Variants in TCF4 observed in about 807,000 individuals in gnomAD.
TCF4 encodes SL3-3 enhancer factor 2.
In TCF4, 3 loss-of-function variants were observed where a neutral mutation model predicts 82.1. The ratio of observed to expected loss-of-function variants is 0.04; its 90% CI spans 0.02 to 0.09. The LOEUF is 0.09. TCF4 is among the 10% of genes least tolerant of loss of function. The pLI is 1.00. For synonymous variants in TCF4, 276 were observed against 309.6 expected, an observed-to-expected ratio of 0.89 and a Z score of 1.14; for missense variants, 518 against 852.7, an observed-to-expected ratio of 0.61 and a Z score of 4.89.
At chr18:55,602,907 A>G (rs754999095) in intron 2 of TCF4, among the ~76,000 whole-genome samples, 8 of 152,178 alleles carry the variant, frequency 5.3e-5, no homozygotes, top group Non-Finnish European at 8.8e-5. Context: ...ATTGTCTACT[A>G]AAGGCAAAAT....
intron 8 of TCF4, among the ~76,000 whole-genome samples, chr18:55,338,431 G>C (rs766637666): frequency 2.0e-5 from 3 of 152,186 alleles, no homozygotes; most frequent in Non-Finnish European, 4.4e-5. Context: ...TTCTTCCGGG[G>C]AGAGGATTCA....
chr18:55,330,100 G>A (rs938677913), intron 8 of TCF4, among the ~76,000 whole-genome samples: 14 of 151,658 alleles, frequency 9.2e-5, no homozygotes, highest in African/African-American at 3.4e-4. Flanking sequence ...CAGAACATAT[G>A]ATAAAGACAA....
At chr18:55,230,304 CTT>C (rs2047554733) in intron 17 of TCF4, 1 of 152,174 alleles carries the variant, frequency 6.6e-6, no homozygotes, top group Non-Finnish European at 1.5e-5. Flanking sequence ...AAATTAGAAA[CTT>C]TTGAATGGAA....
At chr18:55,405,235 C>T (rs180741632) in intron 5 of TCF4, among the ~76,000 whole-genome samples, 21 of 152,312 alleles carry the variant, frequency 1.4e-4, no homozygotes, top group Admixed American at 9.2e-4. Flanking sequence ...TATCAAAGGA[C>T]GCGTGTCCTT....
intron 6 of TCF4, among the ~76,000 whole-genome samples, chr18:55,384,599 G>T (rs2092408532): frequency 6.6e-6 from 1 of 152,174 alleles, no homozygotes; most frequent in Admixed American, 6.5e-5. Context: ...GGTTCACATT[G>T]ATACTGAAAG....
intron 5 of TCF4, among the ~76,000 whole-genome samples, chr18:55,442,720 T>C (rs577185941): frequency 1.3e-5 from 2 of 152,320 alleles, no homozygotes; most frequent in South Asian, 4.1e-4. Flanking sequence ...TCAGAATGCA[T>C]AGCTTCCCTC....
chr18:55,228,338 C>T lies in TCF4; in HGVS notation c.1903G>A (p.Ala635Thr). 6.2e-7 allele frequency: 1 copy of T among 1,614,150 alleles called. No homozygotes were observed. The change falls in exon 19 of 20, where the codon GCG becomes ACG. Residue 635 changes from alanine to threonine, a missense_variant. Physicochemically the swap from Ala to Thr is moderately conservative, Grantham distance 58. Around this residue, in one of 7 missense-constraint regions of TCF4, gnomAD observed 18 missense variants for 116.7 expected, o/e 0.15. Transcript: ENST00000354452. ...VRERNLNPKAACLKRREEEKV... is the reference protein window; with the variant it reads ...VRERNLNPKATCLKRREEEKV... ...TCTTCCTCCCTTCTTTTCAGACACG[C>T]AGCTTTCGGATTCAGATTCCTTTCT...
At chr18:55,586,960 A>T in intron 2 of TCF4, 85 bp downstream of exon 2, 2 of 1,202,396 alleles carry the variant, frequency 1.7e-6, no homozygotes, top group Non-Finnish European at 2.5e-6. Flanking sequence ...TGTCCTTTAG[A>T]TTCCTACTGG....
chr18:55,436,013 A>C (rs1224826263), intron 5 of TCF4, among the ~76,000 whole-genome samples: 4 of 152,208 alleles, frequency 2.6e-5, no homozygotes, highest in Non-Finnish European at 5.9e-5. Flanking sequence ...TTAATGAATG[A>C]CTCAATACTA....
At chr18:55,589,166 G>A, upstream of TCF4, 1 of 616,276 alleles carries the variant, frequency 1.6e-6, no homozygotes, top group Non-Finnish European at 2.1e-6. Context: ...CAAAATGCAT[G>A]CACACACTTT....
At chr18:55,465,410 A>T (rs1290238201) in intron 3 of TCF4, among the ~76,000 whole-genome samples, 1 of 152,088 alleles carries the variant, frequency 6.6e-6, no homozygotes, top group East Asian at 1.9e-4. Context: ...CCATTAAATT[A>T]ACTTCTCTTT....
At position 55,269,850 on chromosome 18, in the gene TCF4, G is replaced by T; in HGVS notation, c.903C>A (p.Asn301Lys). ...ACTCACCCATTATACTGTCTGTCCC[G>T]TTGGCAGGAGGCGTACAGGAAGAGG... is the stretch of plus-strand genomic sequence containing the variant. Reference protein sequence around the residue: ...YSTSSCTPPANGTDSIMANRG... With the variant: ...YSTSSCTPPAKGTDSIMANRG... Residue 301 changes from asparagine (N) to lysine (K), a missense_variant, in exon 11 of 20, where the codon AAC becomes AAA. Physicochemically the swap from Asn to Lys is moderately conservative, Grantham distance 94. Around this residue, in one of 7 missense-constraint regions of TCF4, gnomAD observed 211 missense variants for 327.4 expected, o/e 0.64. Transcript: ENST00000354452. 1 of 1,613,172 alleles carries T rather than the reference G, an allele frequency of 6.2e-7. No homozygotes were observed. Among genetic ancestry groups the T allele is most frequent in the Non-Finnish European group, 8.5e-7 (1 of 1,179,402 alleles).
At chr18:55,318,551 GA>G (rs1219724164) in intron 8 of TCF4, among the ~76,000 whole-genome samples, 1 of 152,082 alleles carries the variant, frequency 6.6e-6, no homozygotes, top group Non-Finnish European at 1.5e-5. Context: ...ACTCTCACCT[GA>G]GGAGAAACTG....
chr18:55,482,416 C>A (rs1932845189), intron 3 of TCF4, among the ~76,000 whole-genome samples: 1 of 152,070 alleles, frequency 6.6e-6, no homozygotes, highest in Non-Finnish European at 1.5e-5. Flanking sequence ...TTGTTTTAGT[C>A]CAGTCACAGT....
chr18:55,247,331 A>G lies in TCF4; in HGVS notation c.1350+7166T>C, dbSNP rs559149801. Among the ~76,000 whole-genome samples the G allele has an allele frequency of 3.9e-5, 6 of 152,360 alleles. No homozygotes were observed. The South Asian group carries it at 1.2e-3, about 32-fold the overall frequency. On this transcript the variant is annotated intron_variant, in intron 15 of 19. Coordinates refer to ENST00000354452, the MANE Select transcript of TCF4 (RefSeq NM_001083962.2). Reference sequence around the variant, plus strand: ...GAGTATGTGACTGAATGAGGGCTTCAGGGAAACCATTAAACAGGAATCAGA... The same window carrying G: ...GAGTATGTGACTGAATGAGGGCTTCGGGGAAACCATTAAACAGGAATCAGA...
intron 3 of TCF4, among the ~76,000 whole-genome samples, chr18:55,470,920 G>C (rs557426279): frequency 6.6e-6 from 1 of 152,154 alleles, no homozygotes; most frequent in South Asian, 2.1e-4. Flanking sequence ...CCTTCTTCCT[G>C]CAACAACAGA....
chr18:55,328,774 A>C (rs766218635), intron 8 of TCF4, among the ~76,000 whole-genome samples: 7 of 152,218 alleles, frequency 4.6e-5, no homozygotes, highest in Non-Finnish European at 8.8e-5. Context: ...GGATGTTCTC[A>C]ATTTTAAAAA....
chr18:55,345,245 A>T (rs2080902950), intron 8 of TCF4, among the ~76,000 whole-genome samples: 1 of 152,046 alleles, frequency 6.6e-6, no homozygotes. Flanking sequence ...CATAAAAATC[A>T]TAAACTCTAT....
At chr18:55,526,476 C>G (rs1458406191) in intron 3 of TCF4, among the ~76,000 whole-genome samples, 1 of 152,096 alleles carries the variant, frequency 6.6e-6, no homozygotes, top group Non-Finnish European at 1.5e-5. Flanking sequence ...ACATAGATAA[C>G]AAGAGATCTA....
Sources: gnomAD v4.1 joint callset for allele counts (sites outside exome capture counted in the v4.1 genomes callset) on GRCh38, gnomAD v4.1.1 for gene constraint, gnomAD v4.1.1 regional missense constraint, MANE v1.5 for transcripts, NCBI Gene and HGNC (gene_info 2026-07-23, HGNC 2026-07-21) for gene names.